NOL10: variants seen among roughly 807,000 people sequenced by gnomAD.
NOL10 encodes the protein H_NH0074G24.1.
NOL10 carries 58 observed loss-of-function variants against 103.5 expected under a neutral mutation model. The ratio of observed to expected loss-of-function variants is 0.56; its 90% CI spans 0.45 to 0.70. NOL10 has a LOEUF of 0.70. Ranked by LOEUF, NOL10 falls within the 30% of genes least tolerant of loss-of-function variation. The probability of loss-of-function intolerance (pLI) is 0.00; values close to 1 mark genes in which losing one functional copy is unlikely to be tolerated. For missense variants in NOL10, 763 were observed against 807.3 expected (o/e 0.95, Z 0.67); for synonymous variants, 287 against 282.5 (o/e 1.02, Z -0.16).
intron 3 of NOL10, among the ~76,000 whole-genome samples, chr2:10,676,496 T>A (rs945794376): frequency 5.3e-5 from 8 of 152,146 alleles, no homozygotes; most frequent in Non-Finnish European, 8.8e-5. Flanking sequence ...GAGGCAGACC[T>A]CAGTAGTAAC....
chr2:10,659,151 T>C, intron 10 of NOL10, 21 bp downstream of exon 10: 4 of 1,540,388 alleles, frequency 2.6e-6, no homozygotes, highest in Non-Finnish European at 3.6e-6. Context: ...TACATGTGGT[T>C]TCCAAATTAA....
chr2:10,666,415 T>G (rs1000115025), intron 8 of NOL10, among the ~76,000 whole-genome samples: 1 of 152,120 alleles, frequency 6.6e-6, no homozygotes, highest in Non-Finnish European at 1.5e-5. Flanking sequence ...GGCCCAATCT[T>G]CATTCACTGC....
At chr2:10,625,059 T>C (rs189180534) in intron 13 of NOL10, among the ~76,000 whole-genome samples, 236 of 152,276 alleles carry the variant, frequency 1.5e-3, no homozygotes, top group Non-Finnish European at 2.9e-3. Flanking sequence ...CTATATGACA[T>C]TTTGGAAAAA....
intron 1 of NOL10, among the ~76,000 whole-genome samples, chr2:10,686,689 G>C (rs983770161): frequency 6.6e-6 from 1 of 152,150 alleles, no homozygotes; most frequent in African/African-American, 2.4e-5. Flanking sequence ...CTGGATTCTG[G>C]ATCTATACTG....
intron 13 of NOL10, among the ~76,000 whole-genome samples, chr2:10,634,256 A>G (rs998455669): frequency 6.6e-6 from 1 of 152,208 alleles, no homozygotes; most frequent in African/African-American, 2.4e-5. Flanking sequence ...GGCCTGATGG[A>G]AGGGAAGCAC....
intron 13 of NOL10, among the ~76,000 whole-genome samples, chr2:10,631,921 T>C (rs1054941521): frequency 6.6e-6 from 1 of 152,032 alleles, no homozygotes; most frequent in Non-Finnish European, 1.5e-5. Flanking sequence ...TCCATGTTGG[T>C]CAGGCTGGTC....
In NOL10 at chr2:10,587,070, TATATATAC is replaced by T. The variant is rs1304121392; in HGVS notation, c.1844+1965_1844+1972del. Among the ~76,000 whole-genome samples the T allele has an allele frequency of 3.5e-4, 19 of 54,742 alleles. 1 individual carries two copies. Among genetic ancestry groups the T allele is most frequent in the African/African-American group, 9.6e-4 (15 of 15,622 alleles). 35.9% of individuals were successfully genotyped at this position (54,742 alleles called of 152,430 possible). A position where few individuals can be genotyped will look rare whatever the true frequency, so the allele number is the denominator to read the frequency against. On this transcript the variant is annotated intron_variant, in intron 19 of 20. Transcript: ENST00000381685. ...ATATATATATACATATATATATACA[TATATATAC>T]ATATATATACATATATATACACATA...
chr2:10,622,481 C>T lies in NOL10; in HGVS notation c.1027-15170G>A, dbSNP rs566293666. ...GTTAAATTTTTTTTTTTAGTTAGAG[C>T]GTTTTTCAAAAAAAAAGAGAGAAGA... On this transcript the variant is annotated intron_variant, in intron 13 of 20. Coordinates refer to ENST00000381685, the MANE Select transcript of NOL10 (RefSeq NM_024894.4). Among the ~76,000 whole-genome samples the T allele has an allele frequency of 1.8e-4, 21 of 116,610 alleles. No individual in the cohort carries two copies. In the East Asian group the frequency reaches 3.9e-3, roughly 22 times the overall value. 76.5% of individuals were successfully genotyped at this position (116,610 alleles called of 152,430 possible). A position where few individuals can be genotyped will look rare whatever the true frequency, so the allele number is the denominator to read the frequency against.
At chr2:10,612,175 G>A (rs1411039137) in intron 13 of NOL10, among the ~76,000 whole-genome samples, 1 of 151,986 alleles carries the variant, frequency 6.6e-6, no homozygotes, top group Non-Finnish European at 1.5e-5. Context: ...GCTGAAAGAA[G>A]ATACTCCTTC....
At chr2:10,576,274 T>G (rs1674446653) in intron 20 of NOL10, among the ~76,000 whole-genome samples, 1 of 152,168 alleles carries the variant, frequency 6.6e-6, no homozygotes, top group Non-Finnish European at 1.5e-5. Flanking sequence ...TTGGTGGGAA[T>G]GTAAAATGGT....
intron 13 of NOL10, among the ~76,000 whole-genome samples, chr2:10,612,523 GAC>G (rs1239814487): frequency 1.3e-5 from 2 of 151,662 alleles, no homozygotes; most frequent in African/African-American, 2.4e-5. Context: ...TTTTCTTTGA[GAC>G]ACAGTCTCCA....
intron 1 of NOL10, among the ~76,000 whole-genome samples, chr2:10,687,783 G>A (rs572226658): frequency 7.2e-5 from 11 of 152,232 alleles, no homozygotes; most frequent in East Asian, 1.9e-4. Flanking sequence ...GTGAAACTCC[G>A]TCTCTACTAA....
intron 18 of NOL10, 41 bp from the exon 19 acceptor site, chr2:10,589,331 T>C (rs764524915): frequency 2.5e-6 from 4 of 1,606,596 alleles, no homozygotes; most frequent in Non-Finnish European, 3.4e-6. Flanking sequence ...TTTCCCCCAG[T>C]CAAACACAGA....
At chr2:10,656,659 G>A (rs1329758381) in intron 11 of NOL10, among the ~76,000 whole-genome samples, 1 of 152,256 alleles carries the variant, frequency 6.6e-6, no homozygotes. Context: ...TGCAGCGTGT[G>A]TGCCTGGGCA....
At chr2:10,677,888 CGT>C (rs200877822) in intron 3 of NOL10, among the ~76,000 whole-genome samples, 3,096 of 136,886 alleles carry the variant, frequency 0.023, 47 homozygotes, top group Non-Finnish European at 0.033. Context: ...CATATATATG[CGT>C]GTGTATATAT....
At chr2:10,659,145 T>C (rs745610321) in intron 10 of NOL10, 27 bp downstream of exon 10, 8 of 1,477,918 alleles carry the variant, frequency 5.4e-6, no homozygotes, top group Admixed American at 3.7e-5. Flanking sequence ...CCAACTTACA[T>C]GTGGTTTCCA....
intron 13 of NOL10, among the ~76,000 whole-genome samples, chr2:10,643,178 G>A (rs573916753): frequency 4.6e-5 from 7 of 152,276 alleles, no homozygotes; most frequent in South Asian, 4.1e-4. Flanking sequence ...CCAACCAAAC[G>A]AAATATCTCT....
chr2:10,589,194 G>C lies in NOL10; in HGVS notation c.1693C>G (p.Arg565Gly). 6.2e-7 allele frequency: 1 copy of C among 1,613,992 alleles called. No homozygotes were observed. The highest frequency in any genetic ancestry group is 1.3e-5 in the African/African-American group (1 of 75,038). ...TTTTCCTCCTGCTGGAGGAGTCTGC[G>C]TTGCTTCCTGACCTCTTCAACCCAG... ...KAWVEEVRKQRRLLQQEEKVK... is the reference protein window; with the variant it reads ...KAWVEEVRKQGRLLQQEEKVK... Residue 565 changes from arginine to glycine, a missense_variant, in exon 19 of 21, where the codon CGC becomes GGC. By Grantham distance (125) the Arg-to-Gly change is moderately radical (BLOSUM62 -2). Transcript: ENST00000381685.
chr2:10,617,856 C>T (rs1015004794), intron 13 of NOL10, among the ~76,000 whole-genome samples: 3 of 152,186 alleles, frequency 2.0e-5, no homozygotes, highest in South Asian at 2.1e-4. Flanking sequence ...AAACAGACCA[C>T]GTACTGTACA....
Sources: gnomAD v4.1 joint callset for allele counts (sites outside exome capture counted in the v4.1 genomes callset) on GRCh38, gnomAD v4.1.1 for gene constraint, MANE v1.5 for transcripts, NCBI Gene and HGNC (gene_info 2026-07-23, HGNC 2026-07-21) for gene names.